The following KIF1B variants were observed in gnomAD, a reference collection of about 807,000 sequenced individuals.
The protein encoded by KIF1B is kinesin family member 1B.
KIF1B carries 76 observed loss-of-function variants against 241.9 expected under a neutral mutation model. That is an observed-to-expected ratio of 0.31 (90% CI 0.26 to 0.38). KIF1B has a LOEUF of 0.38. Ranked by LOEUF, KIF1B falls within the 10% of genes least tolerant of loss-of-function variation. The pLI is 1.00. For synonymous variants in KIF1B, 750 were observed against 796.7 expected, an observed-to-expected ratio of 0.94 and a Z score of 0.99; for missense variants, 1,622 against 2,271.4, an observed-to-expected ratio of 0.71 and a Z score of 5.81.
chr1:10,261,062 G>A (rs1648111673), intron 4 of KIF1B, among the ~76,000 whole-genome samples: 1 of 151,702 alleles, frequency 6.6e-6, no homozygotes, highest in African/African-American at 2.4e-5. Flanking sequence ...CGCCTCCTGG[G>A]TTCAATTAAT....
chr1:10,375,401 G>T, intron 48 of KIF1B, 28 bp downstream of exon 48: 1 of 1,564,776 alleles, frequency 6.4e-7, no homozygotes, highest in South Asian at 1.1e-5. Flanking sequence ...TGTTGTTGTT[G>T]TTTTTGAGAC....
At position 10,374,704 on chromosome 1, in the gene KIF1B, C is replaced by G; in HGVS notation, c.5097-150C>G. 1 of 923,082 alleles carries G rather than the reference C, an allele frequency of 1.1e-6. No individual in the cohort carries two copies. The highest frequency in any genetic ancestry group is 2.0e-5 in the Admixed American group (1 of 49,332). The allele number at this position is 923,082 out of a possible 1,614,324, so 57.2% of individuals were successfully genotyped here. ...GCACGGTTTCGCTTTTGCCGTATTA[C>G]TTTGGCAGATAAGATTCTAGGCCAA... On this transcript the variant is annotated intron_variant, in intron 46 of 48. Transcript: ENST00000676179. This position sits in a 1 kb window ranked among gnomAD's most constrained non-coding sequence, Gnocchi z 4.3.
intron 1 of KIF1B, among the ~76,000 whole-genome samples, chr1:10,217,826 G>T (rs1253194805): frequency 6.6e-6 from 1 of 151,690 alleles, no homozygotes; most frequent in Non-Finnish European, 1.5e-5. Flanking sequence ...TTACATTCTC[G>T]ATTCTCTATA....
At chr1:10,325,983 C>G in intron 26 of KIF1B, 128 bp from the exon 27 acceptor site, 1 of 1,266,100 alleles carries the variant, frequency 7.9e-7, no homozygotes, top group Admixed American at 1.7e-5. Context: ...TATCCTTTTG[C>G]TTTTCCATTT....
chr1:10,371,797 G>A (rs755493604), intron 45 of KIF1B, among the ~76,000 whole-genome samples: 1 of 152,140 alleles, frequency 6.6e-6, no homozygotes, highest in Non-Finnish European at 1.5e-5. Flanking sequence ...CCCAGGCGTG[G>A]TGGTCTGTGC....
At chr1:10,352,474 G>T (rs930706581) in intron 37 of KIF1B, among the ~76,000 whole-genome samples, 157 bp from the exon 38 acceptor site, 11 of 152,238 alleles carry the variant, frequency 7.2e-5, no homozygotes, top group African/African-American at 2.7e-4. Flanking sequence ...AATGTGGGAA[G>T]TAATGGAGTC....
intron 9 of KIF1B, 82 bp downstream of exon 9, chr1:10,272,388 GCTGT>G: frequency 2.1e-6 from 2 of 952,310 alleles, no homozygotes; most frequent in Non-Finnish European, 1.7e-6. Context: ...GTTTATGAAG[GCTGT>G]CTTTTTGTGG....
chr1:10,273,438 C>T (rs1319708197), intron 10 of KIF1B, among the ~76,000 whole-genome samples: 1 of 152,024 alleles, frequency 6.6e-6, no homozygotes, highest in Non-Finnish European at 1.5e-5. Context: ...CCCATAGTGT[C>T]CCAACTATTC....
At chr1:10,264,850 A>G (rs1280512223) in intron 5 of KIF1B, among the ~76,000 whole-genome samples, 1 of 152,182 alleles carries the variant, frequency 6.6e-6, no homozygotes, top group African/African-American at 2.4e-5. Flanking sequence ...TTTAGTAGAC[A>G]CAGGGTTTCA....
At chr1:10,257,700 G>T (rs1381714536) in intron 3 of KIF1B, among the ~76,000 whole-genome samples, 2 of 151,788 alleles carry the variant, frequency 1.3e-5, no homozygotes, top group Admixed American at 6.6e-5. Context: ...TTTAAAGACT[G>T]AGTCTCGCTC....
At chr1:10,320,972 A>T (rs1019483127) in intron 23 of KIF1B, among the ~76,000 whole-genome samples, 4 of 151,970 alleles carry the variant, frequency 2.6e-5, no homozygotes, top group Non-Finnish European at 5.9e-5. Flanking sequence ...AAGTAATGGG[A>T]TTACAGGCAT....
rs1382393971 is a variant in KIF1B at position 10,297,015 on chromosome 1, A to G, written c.1980A>G (p.Thr660=). The change falls in exon 21 of 49, where the codon ACA becomes ACG. Residue 660 remains threonine (T), a synonymous_variant. Coordinates refer to ENST00000676179, the MANE Select transcript of KIF1B (RefSeq NM_001365951.3). The part of the protein sequence containing the change: ...AETPSEPVDW[T]FAQRELLEKQ... ...CCCCCTCTGAGCCTGTGGACTGGAC[A>G]TTTGCCCAGAGGGAGCTTCTGGAAA... 1 of 1,614,084 alleles carries G rather than the reference A, an allele frequency of 6.2e-7. No individual in the cohort carries two copies. The highest frequency in any genetic ancestry group is 1.7e-5 in the Admixed American group (1 of 59,996).
At chr1:10,309,155 T>A (rs1215979011) in intron 22 of KIF1B, among the ~76,000 whole-genome samples, 1 of 152,096 alleles carries the variant, frequency 6.6e-6, no homozygotes, top group Non-Finnish European at 1.5e-5. Flanking sequence ...GACCTGACAT[T>A]ATTTTTTAAT....
intron 14 of KIF1B, among the ~76,000 whole-genome samples, chr1:10,279,981 A>G (rs1649325277): frequency 6.6e-6 from 1 of 151,812 alleles, no homozygotes. Flanking sequence ...AGGATTATAG[A>G]TGTCAGCCAC....
chr1:10,341,276 A>T (rs1652382335), intron 32 of KIF1B, among the ~76,000 whole-genome samples: 2 of 152,150 alleles, frequency 1.3e-5, no homozygotes, highest in South Asian at 4.1e-4. Context: ...GTTGGGGAGG[A>T]TAGTTGGGTG....
chr1:10,297,320 A>T (rs1454039753), intron 22 of KIF1B, 74 bp downstream of exon 22: 2 of 1,291,556 alleles, frequency 1.5e-6, no homozygotes, highest in African/African-American at 2.9e-5. Flanking sequence ...TCCACAGAGC[A>T]GTACTCACCC....
At chr1:10,283,051 C>G (rs1188885708) in intron 15 of KIF1B, among the ~76,000 whole-genome samples, 1 of 151,470 alleles carries the variant, frequency 6.6e-6, no homozygotes, top group Non-Finnish European at 1.5e-5. Flanking sequence ...ACTAAAAATA[C>G]AAAAAATTAG....
intron 14 of KIF1B, among the ~76,000 whole-genome samples, chr1:10,280,310 C>G (rs1010090054): frequency 5.9e-5 from 9 of 152,012 alleles, no homozygotes; most frequent in Non-Finnish European, 4.4e-5. Flanking sequence ...TCTCGGCTCA[C>G]TGCAACTTCC....
At chr1:10,359,147 T>C (rs1638343451) in intron 38 of KIF1B, among the ~76,000 whole-genome samples, 2 of 152,244 alleles carry the variant, frequency 1.3e-5, no homozygotes. Context: ...TTCTCTCTGT[T>C]GATCGTTTCT....
Sources: gnomAD v4.1 joint callset for allele counts (sites outside exome capture counted in the v4.1 genomes callset) on GRCh38, gnomAD v4.1.1 for gene constraint, Gnocchi (gnomAD v3.1) non-coding constraint, MANE v1.5 for transcripts, NCBI Gene and HGNC (gene_info 2026-07-23, HGNC 2026-07-21) for gene names.